Variants in CAMKMT observed in about 807,000 individuals in gnomAD.
The protein encoded by CAMKMT is calmodulin-lysine N-methyltransferase, also known as CaM KMT.
CAMKMT carries 53 observed loss-of-function variants against 48.0 expected under a neutral mutation model. The observed-to-expected ratio is 1.10, with a 90% CI of 0.89 to 1.39. The LOEUF (loss-of-function observed/expected upper bound fraction) is 1.39, where lower values mean the gene tolerates loss of function less well. Ranked by LOEUF, CAMKMT falls within the 40% of genes most tolerant of loss-of-function variation. The pLI, the probability that CAMKMT is intolerant of heterozygous loss-of-function variation, is 0.00. For missense variants in CAMKMT, 428 were observed against 402.7 expected (o/e 1.06, Z -0.54); for synonymous variants, 165 against 152.3 (o/e 1.08, Z -0.61).
rs1272179664 is a variant in CAMKMT at position 44,389,699 on chromosome 2, C to T, written c.312-542C>T. Among the ~76,000 whole-genome samples, 5 of 151,862 alleles carry T rather than the reference C, an allele frequency of 3.3e-5. No individual in the cohort carries two copies. In the East Asian group the frequency reaches 7.7e-4, roughly 23 times the overall value. ...TATTTAAAAGAGTTGTTAACTGAAG[C>T]GGGATTAGAATTAAAGGCATTAGAA... On this transcript the variant is annotated intron_variant, in intron 2 of 10. Transcript: ENST00000378494.
At chr2:44,707,305 A>T in intron 5 of CAMKMT, 94 bp from the exon 6 acceptor site, 1 of 977,726 alleles carries the variant, frequency 1.0e-6, no homozygotes, top group Non-Finnish European at 1.6e-6. Context: ...ATAGGTGAGG[A>T]AGCATGATAC....
chr2:44,649,412 A>T (rs1335617187), intron 3 of CAMKMT, among the ~76,000 whole-genome samples: 1 of 152,050 alleles, frequency 6.6e-6, no homozygotes. Context: ...TTGCAATATG[A>T]TGTGATCTGG....
At chr2:44,563,677 A>G (rs1299506958) in intron 3 of CAMKMT, among the ~76,000 whole-genome samples, 1 of 151,906 alleles carries the variant, frequency 6.6e-6, no homozygotes, top group African/African-American at 2.4e-5. Context: ...CCTGTGTCCA[A>G]GTGTTCTCAT....
At chr2:44,404,349 A>G (rs1416733633) in intron 3 of CAMKMT, among the ~76,000 whole-genome samples, 1 of 152,114 alleles carries the variant, frequency 6.6e-6, no homozygotes, top group Non-Finnish European at 1.5e-5. Context: ...ATGTGTGTAC[A>G]TATGTATGCA....
intron 3 of CAMKMT, among the ~76,000 whole-genome samples, chr2:44,634,044 T>A (rs754506802): frequency 1.3e-5 from 2 of 152,202 alleles, no homozygotes; most frequent in African/African-American, 2.4e-5. Context: ...TGAATGCCTC[T>A]GTTATTTAAT....
At chr2:44,387,662 T>A (rs1305583263) in intron 2 of CAMKMT, among the ~76,000 whole-genome samples, 1 of 152,210 alleles carries the variant, frequency 6.6e-6, no homozygotes, top group Non-Finnish European at 1.5e-5. Context: ...TACTTTGATG[T>A]GTTTCCAGGA....
intron 3 of CAMKMT, among the ~76,000 whole-genome samples, chr2:44,635,046 T>C (rs1450263716): frequency 6.6e-6 from 1 of 152,144 alleles, no homozygotes; most frequent in Non-Finnish European, 1.5e-5. Flanking sequence ...GCATTCCAGT[T>C]TGGATGACAG....
intron 3 of CAMKMT, among the ~76,000 whole-genome samples, chr2:44,599,933 G>T (rs532292511): frequency 6.6e-6 from 1 of 151,692 alleles, no homozygotes; most frequent in East Asian, 1.9e-4. Context: ...AAAACGATTT[G>T]GTACTCTATG....
intron 3 of CAMKMT, among the ~76,000 whole-genome samples, chr2:44,464,156 A>G (rs1186316468): frequency 6.6e-6 from 1 of 152,240 alleles, no homozygotes; most frequent in Non-Finnish European, 1.5e-5. Flanking sequence ...ATAAAAAAGA[A>G]CAAACTAGAA....
intron 3 of CAMKMT, among the ~76,000 whole-genome samples, chr2:44,557,866 T>C (rs1668098128): frequency 6.6e-6 from 1 of 152,176 alleles, no homozygotes; most frequent in African/African-American, 2.4e-5. Context: ...TAACCATTGC[T>C]CTCTGCTCTG....
At chr2:44,629,910 G>A (rs1291838138) in intron 3 of CAMKMT, among the ~76,000 whole-genome samples, 321 of 143,758 alleles carry the variant, frequency 2.2e-3, no homozygotes, top group African/African-American at 4.5e-3. Context: ...AAGTTCATAT[G>A]GAACCAAAAA....
intron 7 of CAMKMT, among the ~76,000 whole-genome samples, chr2:44,715,688 G>A (rs1678139709): frequency 6.6e-6 from 1 of 152,198 alleles, no homozygotes; most frequent in Non-Finnish European, 1.5e-5. Flanking sequence ...TCTCAGCCTA[G>A]GAGCAGTTTT....
chr2:44,631,572 A>G, intron 3 of CAMKMT: 2 of 562,922 alleles, frequency 3.6e-6, no homozygotes, highest in Non-Finnish European at 6.2e-6. Context: ...CCAAAGTGTG[A>G]TTAGTAGCAT....
In CAMKMT at chr2:44,410,231, G is replaced by GTATATATATATAGTCTATAGGCTA. The variant is rs1558589089; in HGVS notation, c.376+19938_376+19939insGTCTATAGGCTATATATATATATA. On this transcript the variant is annotated intron_variant, in intron 3 of 10. Transcript: ENST00000378494. ...AACTTAAGTAATTAGTCAGGTATCA[G>GTATATATATATAGTCTATAGGCTA]TATATATATATATATATTTTTTTTT... Among the ~76,000 whole-genome samples the GTATATATATATAGTCTATAGGCTA allele has an allele frequency of 2.0e-4, 4 of 20,438 alleles. 1 individual carries two copies. The highest frequency in any genetic ancestry group is 7.4e-4 in the African/African-American group (4 of 5,442). 13.4% of individuals were successfully genotyped at this position (20,438 alleles called of 152,430 possible). A position where few individuals can be genotyped will look rare whatever the true frequency, so the allele number is the denominator to read the frequency against.
At chr2:44,406,874 C>T (rs773148367) in intron 3 of CAMKMT, among the ~76,000 whole-genome samples, 2 of 152,244 alleles carry the variant, frequency 1.3e-5, no homozygotes, top group Non-Finnish European at 2.9e-5. Flanking sequence ...TCCCAAAGTG[C>T]TGGGATTACA....
At chr2:44,771,034 T>C (rs562944565) in intron 10 of CAMKMT, among the ~76,000 whole-genome samples, 1 of 152,164 alleles carries the variant, frequency 6.6e-6, no homozygotes, top group Non-Finnish European at 1.5e-5. Flanking sequence ...GTCCATGTCA[T>C]GGTTTGGGAA....
At chr2:44,526,122 A>T (rs1427127055) in intron 3 of CAMKMT, among the ~76,000 whole-genome samples, 1 of 151,736 alleles carries the variant, frequency 6.6e-6, no homozygotes, top group Non-Finnish European at 1.5e-5. Context: ...CATCATTCTC[A>T]GGAAACTATC....
At chr2:44,608,947 T>G (rs1671449955) in intron 3 of CAMKMT, among the ~76,000 whole-genome samples, 1 of 152,234 alleles carries the variant, frequency 6.6e-6, no homozygotes. Flanking sequence ...TCTCAACATG[T>G]CTTCATTTTT....
At chr2:44,411,793 T>A (rs932081079) in intron 3 of CAMKMT, among the ~76,000 whole-genome samples, 1 of 152,100 alleles carries the variant, frequency 6.6e-6, no homozygotes, top group Non-Finnish European at 1.5e-5. Context: ...TTAGTTTTTT[T>A]AAAGTCATCA....
Sources: allele counts gnomAD v4.1 joint callset (sites outside exome capture counted in the v4.1 genomes callset), GRCh38; gene constraint gnomAD v4.1.1; transcripts MANE v1.5; gene names NCBI Gene and HGNC (gene_info 2026-07-23, HGNC 2026-07-21).